IL1RAPL2: variants seen among roughly 807,000 people sequenced by gnomAD.
The protein encoded by IL1RAPL2 is interleukin 1 receptor accessory protein like 2.
In IL1RAPL2, 3 loss-of-function variants were observed where a neutral mutation model predicts 44.1. That is an observed-to-expected ratio of 0.07 (90% CI 0.03 to 0.18). The LOEUF (loss-of-function observed/expected upper bound fraction) is 0.18, where lower values mean the gene tolerates loss of function less well. Ranked by LOEUF, IL1RAPL2 falls within the 10% of genes least tolerant of loss-of-function variation. IL1RAPL2 has a pLI of 1.00. For synonymous variants in IL1RAPL2, 181 were observed against 178.8 expected (o/e 1.01, Z -0.10); for missense variants, 391 against 496.4 (o/e 0.79, Z 2.02).
chrX:104,894,495 T>G (rs1463826734), intron 2 of IL1RAPL2, among the ~76,000 whole-genome samples: 1 of 111,826 alleles, frequency 8.9e-6, no homozygotes, highest in Non-Finnish European at 1.9e-5. Flanking sequence ...TTTTTACTCT[T>G]TTTTTCTCTA....
chrX:105,313,731 T>C (rs1396050461), intron 5 of IL1RAPL2, among the ~76,000 whole-genome samples: 2 of 111,816 alleles, frequency 1.8e-5, no homozygotes, highest in Non-Finnish European at 3.8e-5. Context: ...TTACAGATTT[T>C]GTTTAGGACA....
chrX:104,702,597 G>T (rs1041407763), intron 2 of IL1RAPL2, among the ~76,000 whole-genome samples: 9 of 112,122 alleles, frequency 8.0e-5, no homozygotes, highest in Admixed American at 4.7e-4. Flanking sequence ...TTCTTGAAAA[G>T]AATATATGGA....
chrX:104,956,495 T>TGTGTGTGTGTGTG (rs1556020850), intron 2 of IL1RAPL2, among the ~76,000 whole-genome samples: 11 of 108,592 alleles, frequency 1.0e-4, no homozygotes, highest in Admixed American at 3.9e-4. Flanking sequence ...TGTGTGTGTG[T>TGTGTGTGTGTGTG]TATGCCGGGC....
At chrX:104,783,826 G>A (rs765536583) in intron 2 of IL1RAPL2, among the ~76,000 whole-genome samples, 2 of 108,010 alleles carry the variant, frequency 1.9e-5, no homozygotes, top group Non-Finnish European at 3.8e-5. Flanking sequence ...AAGAAAACAT[G>A]CTACAACCAG....
Position 104,750,065 on chromosome X carries a change from C to T in IL1RAPL2, c.82+91070C>T, listed in dbSNP as rs191311266. Among the ~76,000 whole-genome samples, 139 of 111,783 alleles carry T rather than the reference C, an allele frequency of 1.2e-3. 1 individual carries two copies. Among genetic ancestry groups the T allele is most frequent in the African/African-American group, 4.1e-3 (127 of 30,813 alleles). Reference sequence around the variant, plus strand: ...TTCTGAGAACTGGATGATATTTATACTTTTCTGAGGCTTGCTCGCTAGTGC... The same window carrying T: ...TTCTGAGAACTGGATGATATTTATATTTTTCTGAGGCTTGCTCGCTAGTGC... On this transcript the variant is annotated intron_variant, in intron 2 of 10. Coordinates refer to ENST00000372582, the MANE Select transcript of IL1RAPL2 (RefSeq NM_017416.2).
intron 1 of IL1RAPL2, among the ~76,000 whole-genome samples, chrX:104,630,232 C>T: frequency 9.2e-6 from 1 of 108,790 alleles, no homozygotes; most frequent in Non-Finnish European, 1.9e-5. Flanking sequence ...ACTGCAATCT[C>T]CGCCTCCTGG....
intron 6 of IL1RAPL2, among the ~76,000 whole-genome samples, chrX:105,587,720 AACTTGATCCTGAAAATATGTTTTT>A (rs1354374954): frequency 8.9e-6 from 1 of 111,759 alleles, no homozygotes; most frequent in Non-Finnish European, 1.9e-5. Flanking sequence ...TATAATTTCT[AACTTGATCCTGAAAATATGTTTTT>A]TAAAAATTTC....
intron 6 of IL1RAPL2, among the ~76,000 whole-genome samples, chrX:105,508,651 G>GA (rs113178674): frequency 0.22 from 21,424 of 96,929 alleles, 5,998 homozygotes; most frequent in African/African-American, 0.75. Context: ...TGGCAGAAAA[G>GA]AAAAAAAAAA....
intron 3 of IL1RAPL2, among the ~76,000 whole-genome samples, chrX:105,233,243 C>T (rs2034089331): frequency 9.0e-6 from 1 of 111,588 alleles, no homozygotes; most frequent in African/African-American, 3.3e-5. Context: ...GAGATAGCGC[C>T]ACTGCACTCC....
intron 1 of IL1RAPL2, among the ~76,000 whole-genome samples, chrX:104,617,795 T>C (rs1444850650): frequency 2.7e-5 from 3 of 111,823 alleles, no homozygotes; most frequent in African/African-American, 9.7e-5. Context: ...GTCTTGGGTC[T>C]CAGTGAGCTT....
At chrX:104,570,314 T>A (rs1923128010) in intron 1 of IL1RAPL2, among the ~76,000 whole-genome samples, 1 of 111,897 alleles carries the variant, frequency 8.9e-6, no homozygotes, top group Admixed American at 9.5e-5. Flanking sequence ...TTAATTATCC[T>A]GAGCTAGGAC....
chrX:104,909,884 G>T (rs1161665919), intron 2 of IL1RAPL2, among the ~76,000 whole-genome samples: 1 of 112,545 alleles, frequency 8.9e-6, no homozygotes, highest in African/African-American at 3.2e-5. Context: ...GCTCCACCCA[G>T]TTCGAGCTTC....
intron 6 of IL1RAPL2, among the ~76,000 whole-genome samples, chrX:105,594,602 GAAATATAGAATGATTTTC>G (rs1405049465): frequency 9.0e-6 from 1 of 111,106 alleles, no homozygotes; most frequent in Non-Finnish European, 1.9e-5. Context: ...TCCTATAAAT[GAAATATAGAATGATTTTC>G]AAGTTAAAAA....
intron 1 of IL1RAPL2, among the ~76,000 whole-genome samples, chrX:104,637,421 T>C (rs1486545716): frequency 1.8e-5 from 2 of 111,546 alleles, no homozygotes; most frequent in Non-Finnish European, 3.8e-5. Flanking sequence ...TTTCAGTTTT[T>C]CCCCATTCAA....
rs1301114173 is a variant in IL1RAPL2, at chrX:105,670,146, T to TATATATATA, written c.773-47219_773-47218insATATATAAT. ...ATATATATATATATATATATATATA[T>TATATATATA]ATCTCCACCAGACCACACAGTCTTG... On this transcript the variant is annotated intron_variant, in intron 6 of 10. Transcript: ENST00000372582. 5.0e-3 allele frequency among the ~76,000 whole-genome samples: 231 copies of TATATATATA among 46,322 alleles called. 31 individuals carry two copies. The highest frequency in any genetic ancestry group is 5.9e-3 in the Non-Finnish European group (132 of 22,284). The allele number at this position is 46,322 out of a possible 115,157, so 40.2% of individuals were successfully genotyped here.
intron 2 of IL1RAPL2, among the ~76,000 whole-genome samples, chrX:105,045,371 A>C (rs757451545): frequency 8.9e-6 from 1 of 111,883 alleles, no homozygotes; most frequent in Admixed American, 9.5e-5. Flanking sequence ...ATTGAATTTT[A>C]AAAAATAACA....
chrX:105,356,632 C>T (rs1265828124), intron 5 of IL1RAPL2, among the ~76,000 whole-genome samples: 1 of 112,120 alleles, frequency 8.9e-6, no homozygotes, highest in Non-Finnish European at 1.9e-5. Flanking sequence ...CTTAGAAGGG[C>T]ATTACCTGCT....
At chrX:105,362,547 A>G (rs2035255666) in intron 5 of IL1RAPL2, among the ~76,000 whole-genome samples, 2 of 110,939 alleles carry the variant, frequency 1.8e-5, no homozygotes, top group East Asian at 2.8e-4. Flanking sequence ...TACAGGTTCT[A>G]TCCTCAACAA....
At chrX:105,514,914 T>C (rs1272444215) in intron 6 of IL1RAPL2, among the ~76,000 whole-genome samples, 1 of 111,374 alleles carries the variant, frequency 9.0e-6, no homozygotes, top group African/African-American at 3.3e-5. Flanking sequence ...TGAATCAGGG[T>C]TGAAAAGGGG....
Sources: allele counts gnomAD v4.1 joint callset (sites outside exome capture counted in the v4.1 genomes callset), GRCh38; gene constraint gnomAD v4.1.1; transcripts MANE v1.5; gene names NCBI Gene and HGNC (gene_info 2026-07-23, HGNC 2026-07-21).